The following GREB1L variants were observed in gnomAD, a reference collection of about 807,000 sequenced individuals.
The protein encoded by GREB1L is GREB1 like retinoic acid receptor coactivator, also known as GREB1-like protein.
A neutral mutation model predicts 200.8 loss-of-function variants in GREB1L; 17 were observed. The ratio of observed to expected loss-of-function variants is 0.08; its 90% CI spans 0.06 to 0.13. The LOEUF is 0.13. GREB1L is among the 10% of genes least tolerant of loss of function. GREB1L has a pLI of 1.00. For synonymous variants in GREB1L, 789 were observed against 893.0 expected (o/e 0.88, Z 2.08); for missense variants, 1,657 against 2,367.7 (o/e 0.70, Z 6.23).
intron 1 of GREB1L, among the ~76,000 whole-genome samples, chr18:21,287,591 C>T (rs2038378341): frequency 6.6e-6 from 1 of 152,034 alleles, no homozygotes; most frequent in Non-Finnish European, 1.5e-5. Flanking sequence ...ATGACTCACT[C>T]CTACTTTTAA....
At chr18:21,374,850 C>CTT (rs535722957) in intron 2 of GREB1L, among the ~76,000 whole-genome samples, 22 of 130,252 alleles carry the variant, frequency 1.7e-4, no homozygotes, top group Non-Finnish European at 2.4e-4. Context: ...TTTCCTTTTC[C>CTT]TTTTTTTTTT....
chr18:21,333,093 C>T (rs767065037), intron 1 of GREB1L, among the ~76,000 whole-genome samples: 6 of 149,980 alleles, frequency 4.0e-5, no homozygotes, highest in South Asian at 2.1e-4. Flanking sequence ...TACACACACA[C>T]GCGCGCGCGC....
At position 21,426,944 on chromosome 18, in the gene GREB1L, G is replaced by A. The variant is rs1207629224; in HGVS notation, c.833-12577G>A. Among the ~76,000 whole-genome samples the A allele has an allele frequency of 2.2e-5, 3 of 137,226 alleles. No individual in the cohort carries two copies. In the East Asian group the frequency reaches 6.5e-4, roughly 30 times the overall value. 90.0% of individuals were successfully genotyped at this position (137,226 alleles called of 152,430 possible). A position where few individuals can be genotyped will look rare whatever the true frequency, so the allele number is the denominator to read the frequency against. On this transcript the variant is annotated intron_variant, in intron 7 of 32. Transcript: ENST00000424526. ...ACTGCACTCCAGCCTGGGCAACAGA[G>A]CGAGACTACGTCTCAAAAAAAAAAA...
rs1568032838 is a variant in GREB1L, at chr18:21,464,030, A to G, written c.2183-9001A>G. ...ATAGCAATGGATTGCAACCTATTGA[A>G]AAATTTTTTAAAACCCATGAGTCCA... On this transcript the variant is annotated intron_variant, in intron 15 of 32. Transcript: ENST00000424526. 3.3e-5 allele frequency among the ~76,000 whole-genome samples: 5 copies of G among 152,198 alleles called. No individual in the cohort carries two copies. In the South Asian group the frequency reaches 1.0e-3, roughly 32 times the overall value.
intron 19 of GREB1L, among the ~76,000 whole-genome samples, chr18:21,492,464 T>C (rs2145871097): frequency 6.6e-6 from 1 of 152,336 alleles, no homozygotes; most frequent in East Asian, 1.9e-4. Context: ...CTGCTGGGTC[T>C]TCTCCTGGTC....
intron 27 of GREB1L, 62 bp from the exon 28 acceptor site, chr18:21,513,759 G>C: frequency 1.4e-6 from 2 of 1,460,594 alleles, no homozygotes; most frequent in Admixed American, 2.0e-5. Flanking sequence ...TGCCTGTGGG[G>C]CTTCAGCCAA....
intron 15 of GREB1L, among the ~76,000 whole-genome samples, chr18:21,465,517 C>G (rs1356937341): frequency 6.6e-6 from 1 of 151,972 alleles, no homozygotes; most frequent in Non-Finnish European, 1.5e-5. Flanking sequence ...TTAGCAAAAA[C>G]ACAACAATAA....
At chr18:21,457,435 G>T (rs1357321797) in intron 15 of GREB1L, among the ~76,000 whole-genome samples, 1 of 152,152 alleles carries the variant, frequency 6.6e-6, no homozygotes, top group Non-Finnish European at 1.5e-5. Flanking sequence ...ATAAAAACAT[G>T]ATTATGGTAT....
intron 1 of GREB1L, among the ~76,000 whole-genome samples, chr18:21,275,003 A>G (rs1031837041): frequency 3.9e-5 from 6 of 152,198 alleles, no homozygotes; most frequent in Non-Finnish European, 7.3e-5. Context: ...GCACTTTGAG[A>G]GGCCGAGGTG....
intron 28 of GREB1L, among the ~76,000 whole-genome samples, chr18:21,514,774 TCTCAC>T (rs921511123): frequency 2.6e-5 from 4 of 152,112 alleles, no homozygotes; most frequent in Non-Finnish European, 5.9e-5. Context: ...AGGAAAGTCA[TCTCAC>T]CTCTCCATAT....
At chr18:21,263,187 C>CGA (rs1023204537) in intron 1 of GREB1L, among the ~76,000 whole-genome samples, 18 of 152,204 alleles carry the variant, frequency 1.2e-4, no homozygotes, top group Admixed American at 1.1e-3. Flanking sequence ...CCCTTTGTTT[C>CGA]AGCCAGACAA....
intron 1 of GREB1L, among the ~76,000 whole-genome samples, chr18:21,324,765 G>A (rs1319847386): frequency 6.6e-6 from 1 of 152,182 alleles, no homozygotes; most frequent in Non-Finnish European, 1.5e-5. Context: ...AGCCGAGATC[G>A]TGCCACTGCA....
rs987777731 is a variant in GREB1L, at chr18:21,520,586, T to C, written c.5473-102T>C. The stretch of plus-strand genomic sequence containing the variant: ...GAAAAAACTCATCTCCTTTACCTTA[T>C]CCTGAAATAGAGAAAAAGGAAGGTA... On this transcript the variant is annotated intron_variant, in intron 31 of 32. Coordinates refer to ENST00000424526, the MANE Select transcript of GREB1L (RefSeq NM_001142966.3). 9 of 1,310,056 alleles carry C rather than the reference T, an allele frequency of 6.9e-6. No individual in the cohort carries two copies. In the African/African-American group the frequency reaches 8.8e-5, roughly 13 times the overall value. The allele number at this position is 1,310,056 out of a possible 1,614,324, so 81.2% of individuals were successfully genotyped here.
intron 4 of GREB1L, among the ~76,000 whole-genome samples, chr18:21,392,397 ATAT>A (rs2040861914): frequency 1.3e-5 from 2 of 152,176 alleles, no homozygotes; most frequent in Admixed American, 1.3e-4. Context: ...GCTCCAAAAA[ATAT>A]TTGTAAACGA....
chr18:21,298,897 T>C (rs1236816358), intron 1 of GREB1L, among the ~76,000 whole-genome samples: 1 of 151,948 alleles, frequency 6.6e-6, no homozygotes, highest in Non-Finnish European at 1.5e-5. Context: ...ATCATGCCAC[T>C]GTACCCCAGC....
chr18:21,339,157 A>G (rs2039231998), intron 1 of GREB1L, among the ~76,000 whole-genome samples: 1 of 152,020 alleles, frequency 6.6e-6, no homozygotes, highest in Admixed American at 6.6e-5. Context: ...TCTGCACTCC[A>G]TCCTGGGTGA....
chr18:21,481,993 A>G (rs921143144), intron 17 of GREB1L, among the ~76,000 whole-genome samples: 2 of 152,182 alleles, frequency 1.3e-5, no homozygotes, highest in African/African-American at 4.8e-5. Context: ...AGGTACTCAT[A>G]TGTTCAGCTT....
At chr18:21,486,178 C>T (rs747758434) in intron 18 of GREB1L, among the ~76,000 whole-genome samples, 12 of 152,126 alleles carry the variant, frequency 7.9e-5, no homozygotes, top group Admixed American at 5.2e-4. Flanking sequence ...CACGGTGAAA[C>T]CCCATCTCTA....
intron 1 of GREB1L, among the ~76,000 whole-genome samples, chr18:21,316,128 C>A (rs1237112104): frequency 6.6e-6 from 1 of 152,238 alleles, no homozygotes; most frequent in East Asian, 1.9e-4. Flanking sequence ...TGTACCCGCC[C>A]ATCACATGAT....
Sources: allele counts gnomAD v4.1 joint callset (sites outside exome capture counted in the v4.1 genomes callset), GRCh38; gene constraint gnomAD v4.1.1; transcripts MANE v1.5; gene names NCBI Gene and HGNC (gene_info 2026-07-23, HGNC 2026-07-21).